KDM4C: variants seen among roughly 807,000 people sequenced by gnomAD.
KDM4C encodes lysine-specific demethylase 4C.
KDM4C carries 81 observed loss-of-function variants against 129.3 expected under a neutral mutation model. That is an observed-to-expected ratio of 0.63 (90% confidence interval 0.52 to 0.75). The LOEUF is 0.75. Among genes scored for constraint, KDM4C ranks in the 30% least tolerant of loss-of-function variants. The pLI, the probability that KDM4C is intolerant of heterozygous loss-of-function variation, is 0.00. For synonymous variants in KDM4C, 573 were observed against 456.1 expected (o/e 1.26, Z -3.26); for missense variants, 1,457 against 1,304.0 (o/e 1.12, Z -1.81).
intron 1 of KDM4C, among the ~76,000 whole-genome samples, chr9:6,746,346 G>A (rs1162020101): frequency 7.3e-6 from 1 of 137,704 alleles, no homozygotes; most frequent in Non-Finnish European, 1.5e-5. Context: ...TCGGCTCACT[G>A]CAAGCTCTGC....
chr9:6,804,749 C>G (rs1318103651), intron 2 of KDM4C, among the ~76,000 whole-genome samples: 3 of 144,916 alleles, frequency 2.1e-5, no homozygotes. Flanking sequence ...CAGAGTGAGA[C>G]TCCGTCTCAA....
intron 2 of KDM4C, 99 bp from the exon 3 acceptor site, chr9:6,805,500 A>G (rs1829800314): frequency 1.4e-6 from 1 of 708,312 alleles, no homozygotes; most frequent in African/African-American, 1.8e-5. Context: ...TCATAGAGAT[A>G]CTGAGAAATT....
chr9:6,898,960 G>C (rs142101005), intron 8 of KDM4C, among the ~76,000 whole-genome samples: 52 of 152,128 alleles, frequency 3.4e-4, no homozygotes, highest in Admixed American at 1.5e-3. Context: ...ACTGCTTTGA[G>C]TATTGTTCAT....
intron 4 of KDM4C, chr9:6,818,960 C>T (rs1165520846): frequency 6.6e-6 from 1 of 152,034 alleles, no homozygotes; most frequent in Non-Finnish European, 1.5e-5. Context: ...TCTTCCTGTG[C>T]GTTGTAACCT....
chr9:7,068,391 C>G (rs1221675775), intron 17 of KDM4C, among the ~76,000 whole-genome samples: 1 of 152,098 alleles, frequency 6.6e-6, no homozygotes, highest in Non-Finnish European at 1.5e-5. Flanking sequence ...ACAATTTGAT[C>G]ACCTCAATTT....
At chr9:7,149,303 G>T (rs765424194) in intron 19 of KDM4C, among the ~76,000 whole-genome samples, 6 of 152,366 alleles carry the variant, frequency 3.9e-5, no homozygotes, top group African/African-American at 1.2e-4. Context: ...TGGCAACTTT[G>T]TTCCACTGCA....
intron 8 of KDM4C, among the ~76,000 whole-genome samples, chr9:6,939,431 T>C (rs62533831): frequency 0.26 from 38,920 of 151,996 alleles, 5,436 homozygotes; most frequent in South Asian, 0.4. Flanking sequence ...ATTATTTCAT[T>C]ATATATTACA....
intron 15 of KDM4C, among the ~76,000 whole-genome samples, chr9:7,025,717 A>G (rs981123804): frequency 1.8e-4 from 28 of 152,228 alleles, no homozygotes; most frequent in South Asian, 8.3e-4. Flanking sequence ...TATAATTTCT[A>G]TGTCTTGAAA....
chr9:6,799,349 G>C (rs1429667764), intron 2 of KDM4C, among the ~76,000 whole-genome samples: 1 of 152,218 alleles, frequency 6.6e-6, no homozygotes, highest in East Asian at 1.9e-4. Context: ...GATCACTCGC[G>C]GTTAGGAGCT....
intron 8 of KDM4C, among the ~76,000 whole-genome samples, chr9:6,960,248 A>G (rs1482982620): frequency 1.3e-5 from 2 of 151,818 alleles, no homozygotes; most frequent in African/African-American, 4.8e-5. Context: ...CAGTTGAAAG[A>G]AGGATAAATG....
In KDM4C at chr9:6,740,494, C is replaced by T. The variant is rs112328730; in HGVS notation, c.49+19497C>T. 2.8e-4 allele frequency among the ~76,000 whole-genome samples: 40 copies of T among 141,254 alleles called. No homozygotes were observed. In the South Asian group the frequency reaches 5.8e-3, roughly 20 times the overall value. 92.7% of individuals were successfully genotyped at this position (141,254 alleles called of 152,430 possible). On this transcript the variant is annotated intron_variant, in intron 1 of 17. Coordinates refer to the KDM4C transcript ENST00000536108. ...CTGGGATTACAGGCGTGAGCCACTGCGCCTGGCCTTTCACCCGGCCTAATT... is the reference window on the plus strand; with the variant it reads ...CTGGGATTACAGGCGTGAGCCACTGTGCCTGGCCTTTCACCCGGCCTAATT...
chr9:7,138,630 C>T (rs974776811), intron 19 of KDM4C, among the ~76,000 whole-genome samples: 3 of 151,956 alleles, frequency 2.0e-5, no homozygotes, highest in African/African-American at 7.3e-5. Flanking sequence ...GCCTGGGCAA[C>T]ATAGAAAGAC....
intron 12 of KDM4C, among the ~76,000 whole-genome samples, chr9:7,003,085 C>T (rs1027240262): frequency 2.6e-5 from 4 of 152,140 alleles, no homozygotes; most frequent in Middle Eastern, 3.2e-3. Flanking sequence ...AGGCTGGTCT[C>T]GAACTCCTGA....
chr9:6,893,050 G>T, intron 7 of KDM4C, 45 bp from the exon 8 acceptor site: 1 of 1,347,082 alleles, frequency 7.4e-7, no homozygotes, highest in Admixed American at 2.7e-5. Context: ...TCATAATTTA[G>T]GAAGTCTTAT....
chr9:7,068,990 C>T (rs986465642), intron 17 of KDM4C, among the ~76,000 whole-genome samples: 1 of 152,108 alleles, frequency 6.6e-6, no homozygotes, highest in Admixed American at 6.5e-5. Context: ...AGCCACCGCG[C>T]CTGGCCTATG....
chr9:6,900,323 G>A (rs1817175854), intron 8 of KDM4C, among the ~76,000 whole-genome samples: 1 of 152,212 alleles, frequency 6.6e-6, no homozygotes, highest in Admixed American at 6.5e-5. Flanking sequence ...AGGTGTAATG[G>A]CTTAAATAAG....
intron 15 of KDM4C, among the ~76,000 whole-genome samples, chr9:7,035,067 T>C (rs967082420): frequency 4.0e-5 from 6 of 151,624 alleles, no homozygotes; most frequent in Admixed American, 1.3e-4. Context: ...GGCTGGAGTT[T>C]AGTGGTGCTC....
At chr9:7,004,173 G>T (rs1214677974) in intron 12 of KDM4C, among the ~76,000 whole-genome samples, 1 of 152,194 alleles carries the variant, frequency 6.6e-6, no homozygotes, top group African/African-American at 2.4e-5. Flanking sequence ...CCTGGCAGCA[G>T]CCCTTTCACA....
intron 6 of KDM4C, among the ~76,000 whole-genome samples, chr9:6,880,561 G>C (rs892991234): frequency 6.6e-6 from 1 of 152,130 alleles, no homozygotes; most frequent in African/African-American, 2.4e-5. Flanking sequence ...TGTGCCCTTA[G>C]GGAAGTGTGA....
Sources: gnomAD v4.1 joint callset for allele counts (sites outside exome capture counted in the v4.1 genomes callset) on GRCh38, gnomAD v4.1.1 for gene constraint, MANE v1.5 for transcripts, NCBI Gene and HGNC (gene_info 2026-07-23, HGNC 2026-07-21) for gene names.